The following ANGPT1 variants were observed in gnomAD, a reference collection of about 807,000 sequenced individuals.
ANGPT1 encodes angiopoietin 1.
Under a neutral mutation model 62.2 loss-of-function variants are expected in ANGPT1, and 17 were observed. That is an observed-to-expected ratio of 0.27 (90% CI 0.19 to 0.41). ANGPT1 has a LOEUF of 0.41. ANGPT1 is among the 10% of genes least tolerant of loss of function. ANGPT1 has a pLI of 1.00. For synonymous variants in ANGPT1, 199 were observed against 198.9 expected, an observed-to-expected ratio of 1.00 and a Z score of 0.00; for missense variants, 478 against 594.9, an observed-to-expected ratio of 0.80 and a Z score of 2.04.
intron 5 of ANGPT1, among the ~76,000 whole-genome samples, chr8:107,296,433 T>C (rs962849880): frequency 6.6e-6 from 1 of 151,860 alleles, no homozygotes; most frequent in Non-Finnish European, 1.5e-5. Context: ...GTTGGGGAGG[T>C]GATCATCAAA....
intron 1 of ANGPT1, among the ~76,000 whole-genome samples, chr8:107,354,866 A>G (rs1176351718): frequency 2.0e-5 from 3 of 149,786 alleles, no homozygotes; most frequent in African/African-American, 7.4e-5. Flanking sequence ...AATCACCTTG[A>G]TTAGTCTTTT....
At chr8:107,268,406 TTGTG>T (rs10655133) in intron 7 of ANGPT1, among the ~76,000 whole-genome samples, 1,646 of 144,586 alleles carry the variant, frequency 0.011, 16 homozygotes, top group African/African-American at 0.018. Context: ...ACATGTAGGG[TTGTG>T]TGTGTGTGTG....
chr8:107,322,546 C>A (rs1163122093), intron 3 of ANGPT1, among the ~76,000 whole-genome samples: 1 of 152,088 alleles, frequency 6.6e-6, no homozygotes, highest in Non-Finnish European at 1.5e-5. Flanking sequence ...ATTCACTTTG[C>A]TTCATTTATT....
intron 1 of ANGPT1, among the ~76,000 whole-genome samples, chr8:107,452,063 C>A (rs1365148795): frequency 6.6e-6 from 1 of 151,330 alleles, no homozygotes; most frequent in Non-Finnish European, 1.5e-5. Flanking sequence ...TGTGTCTTAG[C>A]CACAAGTTCC....
At chr8:107,361,586 T>TGGG (rs1236393054) in intron 1 of ANGPT1, among the ~76,000 whole-genome samples, 5 of 17,742 alleles carry the variant, frequency 2.8e-4, no homozygotes, top group Non-Finnish European at 7.8e-4. Context: ...AATATATGTA[T>TGGG]ATATTATATA....
intron 3 of ANGPT1, among the ~76,000 whole-genome samples, chr8:107,334,464 T>C (rs1452014548): frequency 6.6e-6 from 1 of 152,200 alleles, no homozygotes; most frequent in African/African-American, 2.4e-5. Flanking sequence ...ATGATATTTA[T>C]ATATAAAATG....
chr8:107,253,124 C>T (rs774723545), intron 8 of ANGPT1, among the ~76,000 whole-genome samples: 31 of 152,152 alleles, frequency 2.0e-4, no homozygotes, highest in African/African-American at 5.8e-4. Flanking sequence ...ACACTAGAGG[C>T]GTAACAAGCT....
At chr8:107,407,635 C>T (rs920444780) in intron 1 of ANGPT1, among the ~76,000 whole-genome samples, 4 of 152,168 alleles carry the variant, frequency 2.6e-5, no homozygotes, top group Admixed American at 2.6e-4. Context: ...CAGAAAAACA[C>T]ATCTGAGAAA....
rs1034720737 is a variant in ANGPT1, at chr8:107,424,083, C to T, written c.297+73179G>A. On this transcript the variant is annotated intron_variant, in intron 1 of 8. Coordinates refer to ENST00000517746, the MANE Select transcript of ANGPT1 (RefSeq NM_001146.5). ...CTCAAACTCCTGGCCTCAAGTGATC[C>T]GCCCACCTCAGCTTCTCAAAGTGCT... is the stretch of plus-strand genomic sequence containing the variant. Among the ~76,000 whole-genome samples the T allele has an allele frequency of 4.0e-5, 6 of 151,694 alleles. No homozygotes were observed. In the East Asian group the frequency reaches 7.8e-4, roughly 20 times the overall value.
At chr8:107,364,993 A>G (rs1341072026) in intron 1 of ANGPT1, among the ~76,000 whole-genome samples, 1 of 152,168 alleles carries the variant, frequency 6.6e-6, no homozygotes, top group Non-Finnish European at 1.5e-5. Context: ...CATTCTAAAC[A>G]TTATAGTTAA....
Position 107,284,690 on chromosome 8 carries a change from T to C in ANGPT1, c.1197A>G (p.Gln399=). Residue 399 remains glutamine, a synonymous_variant, in exon 7 of 9, where the codon CAA becomes CAG. Transcript: ENST00000517746. ...YDRFHIGNEK[Q]NYRLYLKGHT... is the part of the protein sequence containing the mutation. ...ACTGTAGCATGACTTACCTATAGTT[T>C]TGCTTTTCATTTCCTATGTGGAATC... 2 of 1,582,966 alleles carry C rather than the reference T, an allele frequency of 1.3e-6. No homozygotes were observed. The highest frequency in any genetic ancestry group is 1.7e-6 in the Non-Finnish European group (2 of 1,161,208).
chr8:107,286,310 C>T (rs1410840342), intron 6 of ANGPT1, among the ~76,000 whole-genome samples: 3 of 152,034 alleles, frequency 2.0e-5, no homozygotes, highest in East Asian at 1.9e-4. Context: ...TATAAATATC[C>T]GGATTTGCTC....
intron 2 of ANGPT1, among the ~76,000 whole-genome samples, chr8:107,343,071 G>A (rs1484581476): frequency 6.7e-6 from 1 of 149,084 alleles, no homozygotes; most frequent in Non-Finnish European, 1.5e-5. Flanking sequence ...CTGGGCTCAA[G>A]TCATTTTTCC....
At chr8:107,404,311 C>G (rs1053754129) in intron 1 of ANGPT1, among the ~76,000 whole-genome samples, 1 of 152,060 alleles carries the variant, frequency 6.6e-6, no homozygotes, top group Non-Finnish European at 1.5e-5. Flanking sequence ...TTTCAAACAC[C>G]ATAGAAGAAT....
At chr8:107,316,989 C>T (rs117347667) in intron 4 of ANGPT1, among the ~76,000 whole-genome samples, 384 of 152,278 alleles carry the variant, frequency 2.5e-3, no homozygotes, top group Non-Finnish European at 4.5e-3. Flanking sequence ...AGGGCTAACA[C>T]GTGGAAAGCC....
intron 1 of ANGPT1, among the ~76,000 whole-genome samples, chr8:107,399,383 A>G (rs904401050): frequency 6.6e-6 from 1 of 152,238 alleles, no homozygotes; most frequent in Non-Finnish European, 1.5e-5. Context: ...CATGTTAAGT[A>G]AAAAAGTTAT....
chr8:107,375,265 A>G (rs1358000910), intron 1 of ANGPT1, among the ~76,000 whole-genome samples: 1 of 152,228 alleles, frequency 6.6e-6, no homozygotes, highest in Admixed American at 6.5e-5. Context: ...TATAGAAATA[A>G]GGTTGTTGAA....
At chr8:107,370,368 G>GAAAGAAAA (rs1816372927) in intron 1 of ANGPT1, among the ~76,000 whole-genome samples, 3 of 33,964 alleles carry the variant, frequency 8.8e-5, no homozygotes, top group African/African-American at 1.6e-4. Flanking sequence ...AAGAAAGAAA[G>GAAAGAAAA]AAAGAAAGAA....
chr8:107,325,311 C>T (rs981950357), intron 3 of ANGPT1, among the ~76,000 whole-genome samples: 3 of 152,110 alleles, frequency 2.0e-5, no homozygotes, highest in Non-Finnish European at 4.4e-5. Context: ...ATTTACTTTT[C>T]TTGCTAGTCC....
Sources: allele counts gnomAD v4.1 joint callset (sites outside exome capture counted in the v4.1 genomes callset), GRCh38; gene constraint gnomAD v4.1.1; transcripts MANE v1.5; gene names NCBI Gene and HGNC (gene_info 2026-07-23, HGNC 2026-07-21).